Variants in ACP7 observed in about 807,000 individuals in gnomAD.
ACP7 encodes acid phosphatase 7, tartrate resistant (putative), also known as acid phosphatase type 7.
Under a neutral mutation model 60.6 loss-of-function variants are expected in ACP7, and 58 were observed. That is an observed-to-expected ratio of 0.96 (90% CI 0.77 to 1.19). The LOEUF (loss-of-function observed/expected upper bound fraction) is 1.19, where lower values mean the gene tolerates loss of function less well. Among genes scored for constraint, ACP7 ranks in the 50% most tolerant of loss-of-function variants. The pLI, the probability that ACP7 is intolerant of heterozygous loss-of-function variation, is 0.00. For synonymous variants in ACP7, 237 were observed against 232.6 expected (o/e 1.02, Z -0.17); for missense variants, 574 against 596.2 (o/e 0.96, Z 0.39).
At chr19:39,096,949 A>G (rs537189154) in intron 2 of ACP7, among the ~76,000 whole-genome samples, 12 of 152,186 alleles carry the variant, frequency 7.9e-5, no homozygotes, top group Non-Finnish European at 1.8e-4. Flanking sequence ...CTACAGGCAC[A>G]TGCCACCACG....
intron 2 of ACP7, among the ~76,000 whole-genome samples, chr19:39,091,054 C>G (rs1383917314): frequency 1.3e-5 from 2 of 152,170 alleles, no homozygotes; most frequent in African/African-American, 4.8e-5. Flanking sequence ...CATTTGTGAG[C>G]ACTTCCTCAC....
At chr19:39,092,231 A>C (rs2073211344) in intron 2 of ACP7, among the ~76,000 whole-genome samples, 1 of 152,014 alleles carries the variant, frequency 6.6e-6, no homozygotes. Context: ...AAAATTAGCC[A>C]TGTGTGTTGG....
intron 2 of ACP7, among the ~76,000 whole-genome samples, chr19:39,088,341 G>A (rs1220571079): frequency 6.6e-6 from 1 of 152,164 alleles, no homozygotes; most frequent in Non-Finnish European, 1.5e-5. Flanking sequence ...GTTTCTTAAA[G>A]GTTAGTTGCA....
At chr19:39,102,114 T>C (rs1322811453) in intron 11 of ACP7, among the ~76,000 whole-genome samples, 1 of 86,880 alleles carries the variant, frequency 1.2e-5, no homozygotes, top group East Asian at 3.4e-4. Flanking sequence ...AATGAGACCC[T>C]TTCTCTCACA....
intron 2 of ACP7, among the ~76,000 whole-genome samples, chr19:39,092,758 CTTTCCCATTCCTCTT>C (rs1484421931): frequency 6.9e-6 from 1 of 145,782 alleles, no homozygotes; most frequent in Non-Finnish European, 1.5e-5. Flanking sequence ...CCCTACTACT[CTTTCCCATTCCTCTT>C]TTTTTTTTTT....
At chr19:39,099,733 C>G (rs2073317151) in intron 4 of ACP7, among the ~76,000 whole-genome samples, 1 of 152,024 alleles carries the variant, frequency 6.6e-6, no homozygotes, top group South Asian at 2.1e-4. Flanking sequence ...TGGCTCATGC[C>G]TGTAATTCCA....
At chr19:39,103,715 C>T (rs985984612) in intron 11 of ACP7, among the ~76,000 whole-genome samples, 1 of 151,906 alleles carries the variant, frequency 6.6e-6, no homozygotes, top group African/African-American at 2.4e-5. Context: ...GTAGTCCCAG[C>T]TACTTGGGAG....
Position 39,110,287 on chromosome 19 carries a change from C to G in ACP7, c.*169C>G, listed in dbSNP as rs570330088. On this transcript the variant is annotated 3_prime_UTR_variant, in exon 13 of 13. Coordinates refer to ENST00000331256, the MANE Select transcript of ACP7 (RefSeq NM_001004318.3). ...ATGGAGCTGGGGCAGCTGTTCCCTC[C>G]TGGAGAGGTGGGAGTCCTGGCTGGC... The G allele has an allele frequency of 8.5e-5, 55 of 644,088 alleles. No homozygotes were observed. The highest frequency in any genetic ancestry group is 1.4e-4 in the Non-Finnish European group (51 of 373,126). 39.9% of individuals were successfully genotyped at this position (644,088 alleles called of 1,614,324 possible).
chr19:39,090,541 G>A (rs1223882000), intron 2 of ACP7, among the ~76,000 whole-genome samples: 1 of 151,974 alleles, frequency 6.6e-6, no homozygotes, highest in African/African-American at 2.4e-5. Flanking sequence ...GGATTGCAGT[G>A]GCGCGATCTC....
chr19:39,101,632 G>A (rs950012899), intron 11 of ACP7, 95 bp downstream of exon 11: 1 of 1,350,808 alleles, frequency 7.4e-7, no homozygotes, highest in Non-Finnish European at 1.0e-6. Context: ...GCTTTATATA[G>A]TGGATATCAC....
chr19:39,097,038 G>T (rs2073274054), intron 2 of ACP7, among the ~76,000 whole-genome samples: 1 of 152,158 alleles, frequency 6.6e-6, no homozygotes, highest in African/African-American at 2.4e-5. Flanking sequence ...CTGACCTCGT[G>T]ATCTGCCCAC....
At chr19:39,084,509 G>C (rs76120018) in intron 1 of ACP7, 109 bp downstream of exon 1, 3,014 of 144,520 alleles carry the variant, frequency 0.021, 42 homozygotes, top group South Asian at 0.037. Context: ...TGGAGAGAAG[G>C]GGGGTGGGTA....
In ACP7 at chr19:39,085,434, C is replaced by T. The variant is rs141039342; in HGVS notation, c.121+44C>T. On this transcript the variant is annotated intron_variant, in intron 2 of 12. Coordinates refer to ENST00000331256, the MANE Select transcript of ACP7 (RefSeq NM_001004318.3). ...TTTCTATGCCTCTACCAGAGAGGCC[C>T]AGCGGTGCTTCGTTGTTTGAGGGCT... The T allele has an allele frequency of 2.4e-3, 3,690 of 1,557,760 alleles. 8 individuals are homozygous for T. Among genetic ancestry groups the T allele is most frequent in the Non-Finnish European group, 2.4e-3 (2,791 of 1,151,356 alleles).
intron 2 of ACP7, among the ~76,000 whole-genome samples, chr19:39,087,750 C>T (rs1172234941): frequency 1.3e-5 from 2 of 151,516 alleles, no homozygotes; most frequent in African/African-American, 4.9e-5. Context: ...TCTCCTGCTT[C>T]AGCCTCCCAA....
intron 2 of ACP7, among the ~76,000 whole-genome samples, chr19:39,095,329 T>C (rs947224246): frequency 2.6e-5 from 4 of 152,200 alleles, no homozygotes; most frequent in Non-Finnish European, 2.9e-5. Context: ...AATACAGCCA[T>C]TCCAAATGGG....
At chr19:39,106,806 G>A (rs2073415189) in intron 11 of ACP7, 141 bp from the exon 12 acceptor site, 2 of 970,896 alleles carry the variant, frequency 2.1e-6, no homozygotes, top group Admixed American at 5.0e-5. Context: ...TTACAGGCAT[G>A]AGCCACTGCG....
intron 2 of ACP7, among the ~76,000 whole-genome samples, chr19:39,088,017 G>A (rs533548038): frequency 6.6e-6 from 1 of 152,044 alleles, no homozygotes; most frequent in East Asian, 1.9e-4. Context: ...CATCTTCAAA[G>A]AAGATAGTTT....
chr19:39,085,137 T>TGC lies in ACP7; in HGVS notation c.-133_-132insGC. ...TTGAAGGAGACCTCCCTGCCCTGCC[T>TGC]CTGTTGTCCCCCAGAGCACTGCCTG... On this transcript the variant is annotated 5_prime_UTR_variant, in exon 2 of 13. Transcript: ENST00000331256. 8.5e-7 allele frequency: 1 copy of TGC among 1,172,592 alleles called. No homozygotes were observed. The highest frequency in any genetic ancestry group is 1.2e-6 in the Non-Finnish European group (1 of 849,428). The allele number at this position is 1,172,592 out of a possible 1,614,324, so 72.6% of individuals were successfully genotyped here. A position where few individuals can be genotyped will look rare whatever the true frequency, so the allele number is the denominator to read the frequency against.
intron 2 of ACP7, among the ~76,000 whole-genome samples, chr19:39,092,756 C>CTCTT (rs2073217590): frequency 6.7e-6 from 1 of 148,320 alleles, no homozygotes; most frequent in Non-Finnish European, 1.5e-5. Context: ...ATCCCTACTA[C>CTCTT]TCTTTCCCAT....
Sources: gnomAD v4.1 joint callset for allele counts (sites outside exome capture counted in the v4.1 genomes callset) on GRCh38, gnomAD v4.1.1 for gene constraint, MANE v1.5 for transcripts, NCBI Gene and HGNC (gene_info 2026-07-23, HGNC 2026-07-21) for gene names.